Variants in USH2A observed in about 807,000 individuals in gnomAD.
USH2A encodes the protein Usher syndrome 2A (autosomal recessive, mild).
In USH2A, 443 loss-of-function variants were observed where a neutral mutation model predicts 538.9. The ratio of observed to expected loss-of-function variants is 0.82; its 90% confidence interval spans 0.76 to 0.89. The LOEUF (loss-of-function observed/expected upper bound fraction) is 0.89. Among genes scored for constraint, USH2A ranks in the 40% least tolerant of loss-of-function variants. The pLI is 0.00. For synonymous variants in USH2A, 2,413 were observed against 2,273.5 expected (o/e 1.06, Z -1.75); for missense variants, 6,633 against 6,324.8 (o/e 1.05, Z -1.65).
At chr1:216,075,654 G>A (rs1259911792) in intron 27 of USH2A, among the ~76,000 whole-genome samples, 1 of 152,162 alleles carries the variant, frequency 6.6e-6, no homozygotes, top group Non-Finnish European at 1.5e-5. Context: ...TTTGGGCAGA[G>A]CATTGCCTGT....
chr1:215,880,814 T>G (rs1437624464), intron 41 of USH2A, among the ~76,000 whole-genome samples: 1 of 152,238 alleles, frequency 6.6e-6, no homozygotes, highest in Non-Finnish European at 1.5e-5. Flanking sequence ...TTTAAACCAT[T>G]AATACTTAGT....
chr1:215,753,063 C>G (rs1660673554), intron 58 of USH2A, among the ~76,000 whole-genome samples: 1 of 152,154 alleles, frequency 6.6e-6, no homozygotes, highest in Admixed American at 6.5e-5. Flanking sequence ...TGAAAAAATG[C>G]TCACCATCAC....
chr1:215,995,247 T>C (rs1352393372), intron 34 of USH2A, among the ~76,000 whole-genome samples: 1 of 152,176 alleles, frequency 6.6e-6, no homozygotes, highest in East Asian at 1.9e-4. Flanking sequence ...GAAGGACTGT[T>C]TCATCTACTA....
intron 38 of USH2A, among the ~76,000 whole-genome samples, chr1:215,931,719 A>T (rs1558167721): frequency 6.6e-6 from 1 of 152,036 alleles, no homozygotes; most frequent in South Asian, 2.1e-4. Flanking sequence ...CCAATTATTC[A>T]TTATGCACCT....
At chr1:215,813,603 A>T in intron 49 of USH2A, 133 bp downstream of exon 49, 1 of 997,726 alleles carries the variant, frequency 1.0e-6, no homozygotes, top group Admixed American at 1.8e-5. Flanking sequence ...TATTTAGAGC[A>T]GGCCATTGGC....
At chr1:216,366,746 T>C (rs2038607977) in intron 3 of USH2A, among the ~76,000 whole-genome samples, 1 of 152,170 alleles carries the variant, frequency 6.6e-6, no homozygotes, top group Admixed American at 6.6e-5. Flanking sequence ...TTAAATCCAT[T>C]GATCTAGTGT....
At chr1:216,111,987 T>C (rs578255119) in intron 21 of USH2A, among the ~76,000 whole-genome samples, 2 of 152,002 alleles carry the variant, frequency 1.3e-5, no homozygotes, top group African/African-American at 4.8e-5. Flanking sequence ...ATTTAAATTA[T>C]GCAAAACAGT....
chr1:216,209,461 T>C lies in USH2A; in HGVS notation c.3158-2030A>G, dbSNP rs537526195. On this transcript the variant is annotated intron_variant, in intron 15 of 71. Transcript: ENST00000307340. ...AGTGGAAAAGTAGGGAACAGTAAAG[T>C]GAAGTTATTCTGCAAACTAAGCAAA... is the stretch of plus-strand genomic sequence containing the variant. 3.3e-5 allele frequency among the ~76,000 whole-genome samples: 5 copies of C among 152,308 alleles called. No individual in the cohort carries two copies. In the East Asian group the frequency reaches 7.7e-4, roughly 24 times the overall value.
At chr1:216,236,896 T>A (rs987705769) in intron 13 of USH2A, among the ~76,000 whole-genome samples, 1 of 152,218 alleles carries the variant, frequency 6.6e-6, no homozygotes, top group South Asian at 2.1e-4. Flanking sequence ...TTTCTATTTA[T>A]GTGAATACCC....
intron 11 of USH2A, among the ~76,000 whole-genome samples, chr1:216,283,094 G>T (rs2036813424): frequency 6.6e-6 from 1 of 151,878 alleles, no homozygotes; most frequent in South Asian, 2.1e-4. Flanking sequence ...GTTTTTTTCT[G>T]TTGTTGTTGT....
chr1:215,753,455 T>A (rs1404126098), intron 58 of USH2A, among the ~76,000 whole-genome samples: 1 of 152,146 alleles, frequency 6.6e-6, no homozygotes, highest in Non-Finnish European at 1.5e-5. Flanking sequence ...ATGTGGCACA[T>A]ATACACCATG....
chr1:215,681,332 AAC>A (rs10625816), intron 61 of USH2A, among the ~76,000 whole-genome samples: 235 of 148,052 alleles, frequency 1.6e-3, no homozygotes, highest in African/African-American at 3.2e-3. Flanking sequence ...CACACACACG[AAC>A]ACACACACAC....
At chr1:215,670,114 G>A (rs907080951) in intron 64 of USH2A, among the ~76,000 whole-genome samples, 25 of 152,192 alleles carry the variant, frequency 1.6e-4, no homozygotes, top group African/African-American at 5.8e-4. Flanking sequence ...AAATAGCAGG[G>A]AAAAGAAAAA....
In USH2A at chr1:216,053,690, G is replaced by C. The variant is rs2030875830; in HGVS notation, c.6050-5043C>G. On this transcript the variant is annotated intron_variant, in intron 30 of 71. Coordinates refer to ENST00000307340, the MANE Select transcript of USH2A (RefSeq NM_206933.4). The stretch of plus-strand genomic sequence containing the variant: ...AGTATCCCATGAAACACAGGAGCGT[G>C]GGTATCCGGATTAAAATCATTGGCA... 2.6e-5 allele frequency among the ~76,000 whole-genome samples: 4 copies of C among 152,094 alleles called. No individual in the cohort carries two copies. In the South Asian group the frequency reaches 8.3e-4, roughly 31 times the overall value.
chr1:216,395,904 A>G (rs980177959), intron 3 of USH2A, among the ~76,000 whole-genome samples: 2 of 152,218 alleles, frequency 1.3e-5, no homozygotes, highest in African/African-American at 2.4e-5. Context: ...TCTATTCAAG[A>G]AAGTACATAT....
rs373854881 is a variant in USH2A at position 215,742,679 on chromosome 1, C to T, written c.11548+498G>A. On this transcript the variant is annotated intron_variant, in intron 59 of 71. Coordinates refer to ENST00000307340, the MANE Select transcript of USH2A (RefSeq NM_206933.4). The stretch of plus-strand genomic sequence containing the variant: ...ACAGATACATGAAAATTTCACTGAC[C>T]ACAGCCTAAGCCATGAAACACAAGG... 6.2e-4 allele frequency among the ~76,000 whole-genome samples: 95 copies of T among 152,116 alleles called. 3 individuals are homozygous for T. The South Asian group carries it at 0.018, about 30-fold the overall frequency.
intron 45 of USH2A, 90 bp downstream of exon 45, chr1:215,845,734 A>G: frequency 1.4e-6 from 2 of 1,415,824 alleles, no homozygotes; most frequent in South Asian, 2.4e-5. Flanking sequence ...GAAATTTTAT[A>G]ATGGAGGGAT....
Position 215,836,488 on chromosome 1 carries a change from T to TAATATATATATAATATATATAA in USH2A, c.9371+1502_9371+1503insTTATATATATTATATATATATT, listed in dbSNP as rs1553267731. Among the ~76,000 whole-genome samples the TAATATATATATAATATATATAA allele has an allele frequency of 4.8e-4, 10 of 20,810 alleles. 1 individual carries two copies. Among genetic ancestry groups the TAATATATATATAATATATATAA allele is most frequent in the Non-Finnish European group, 8.0e-4 (9 of 11,274 alleles). The allele number at this position is 20,810 out of a possible 152,430, so 13.7% of individuals were successfully genotyped here. ...ATTATATATATATATATAATATATA[T>TAATATATATATAATATATATAA]TATATATATAATATATATTATATAT... On this transcript the variant is annotated intron_variant, in intron 47 of 71. Transcript: ENST00000307340.
chr1:216,289,341 A>G lies in USH2A; in HGVS notation c.1910T>C (p.Val637Ala). 1 of 1,614,000 alleles carries G rather than the reference A, an allele frequency of 6.2e-7. No homozygotes were observed. The highest frequency in any genetic ancestry group is 1.1e-5 in the South Asian group (1 of 91,080). ...TGTATCACAGTCACAGGGTTTGCAA[A>G]CATCTATGGCCGAAGGATCTGCACC... is the stretch of plus-strand genomic sequence containing the variant. The part of the protein sequence containing the change: ...QVGADPSAID[V>A]CKPCDCDTVG... The change falls in exon 11 of 72, where the codon GTT becomes GCT. Residue 637 changes from valine (V) to alanine (A), a missense_variant. Physicochemically the swap from Val to Ala is moderately conservative, Grantham distance 64 (BLOSUM62 0). Coordinates refer to ENST00000307340, the MANE Select transcript of USH2A (RefSeq NM_206933.4).
Sources: gnomAD v4.1 joint callset for allele counts (sites outside exome capture counted in the v4.1 genomes callset) on GRCh38, gnomAD v4.1.1 for gene constraint, MANE v1.5 for transcripts, NCBI Gene and HGNC (gene_info 2026-07-23, HGNC 2026-07-21) for gene names.